SETD2: variants seen among roughly 807,000 people sequenced by gnomAD.
SETD2 encodes histone-lysine N-methyltransferase SETD2.
In SETD2, 31 loss-of-function variants were observed where a neutral mutation model predicts 242.1. That is an observed-to-expected ratio of 0.13 (90% CI 0.10 to 0.17). The LOEUF (loss-of-function observed/expected upper bound fraction) is 0.17, where lower values mean the gene tolerates loss of function less well. Among genes scored for constraint, SETD2 ranks in the 10% least tolerant of loss-of-function variants. SETD2 has a pLI of 1.00. For missense variants in SETD2, 2,481 were observed against 3,046.3 expected, an observed-to-expected ratio of 0.81 and a Z score of 4.37; for synonymous variants, 1,006 against 1,066.5, an observed-to-expected ratio of 0.94 and a Z score of 1.11.
chr3:47,077,911 T>C (rs1318982003), intron 12 of SETD2, among the ~76,000 whole-genome samples: 1 of 152,190 alleles, frequency 6.6e-6, no homozygotes, highest in Admixed American at 6.5e-5. Context: ...ATAATGAAGT[T>C]AATGGATTAT....
At chr3:47,115,724 A>T (rs2042828109) in intron 4 of SETD2, among the ~76,000 whole-genome samples, 1 of 152,160 alleles carries the variant, frequency 6.6e-6, no homozygotes, top group South Asian at 2.1e-4. Context: ...AGCTCACTGC[A>T]AGCTCCACCT....
chr3:47,138,333 G>A lies in SETD2; in HGVS notation c.72-11670C>T, dbSNP rs912012532. The A allele has an allele frequency of 1.9e-4, 45 of 242,932 alleles. 1 individual carries two copies. Among genetic ancestry groups the A allele is most frequent in the Admixed American group, 6.2e-4 (15 of 24,010 alleles). 15.0% of individuals were successfully genotyped at this position (242,932 alleles called of 1,614,324 possible). ...CGCCCAGGCTGGAGTACAGTGGCGC[G>A]ATCTCAGCTCACTGCAACCTCCACC... On this transcript the variant is annotated intron_variant, in intron 1 of 20. Coordinates refer to ENST00000409792, the MANE Select transcript of SETD2 (RefSeq NM_014159.7).
intron 6 of SETD2, among the ~76,000 whole-genome samples, chr3:47,105,308 A>G (rs955713156): frequency 1.1e-4 from 17 of 150,910 alleles, no homozygotes; most frequent in Admixed American, 9.3e-4. Flanking sequence ...TACTCAGAAG[A>G]CTGAGGCACA....
rs1180846547 is a variant in SETD2, at chr3:47,138,065, G to A, written c.72-11402C>T. ...CGGCTCACTGCAAGCTCCGCCTCCC[G>A]GGTTCACGCCATTCTCCTGCCTCAG... On this transcript the variant is annotated intron_variant, in intron 1 of 20. Coordinates refer to ENST00000409792, the MANE Select transcript of SETD2 (RefSeq NM_014159.7). Among the ~76,000 whole-genome samples, 11 of 151,262 alleles carry A rather than the reference G, an allele frequency of 7.3e-5. No individual in the cohort carries two copies. In the East Asian group the frequency reaches 9.8e-4, roughly 13 times the overall value.
chr3:47,043,077 C>A (rs1272111914), intron 16 of SETD2, among the ~76,000 whole-genome samples: 2 of 148,810 alleles, frequency 1.3e-5, no homozygotes, highest in Non-Finnish European at 3.0e-5. Flanking sequence ...CCCTGAGAAG[C>A]AAATATGACA....
chr3:47,040,686 G>A (rs969839497), intron 17 of SETD2, among the ~76,000 whole-genome samples: 3 of 143,758 alleles, frequency 2.1e-5, no homozygotes, highest in Admixed American at 7.6e-5. Flanking sequence ...TGATCCTCTC[G>A]CCTCAGCCTC....
At chr3:47,127,610 C>T (rs1384668192) in intron 1 of SETD2, 4 of 436,824 alleles carry the variant, frequency 9.2e-6, no homozygotes, top group Admixed American at 7.6e-5. Context: ...GCCTGTAATC[C>T]CAGCACTTTG....
chr3:47,017,313 G>A lies in SETD2; in HGVS notation c.7534-59C>T, dbSNP rs1006981047. ...CCAATCAGAGCAGAAATTATATGAG[G>A]GGGAGGACAGGGGTGGTAATCCAGC... On this transcript the variant is annotated intron_variant, in intron 20 of 20. Coordinates refer to ENST00000409792, the MANE Select transcript of SETD2 (RefSeq NM_014159.7). This position sits in a 1 kb window ranked among gnomAD's most constrained non-coding sequence, Gnocchi z 4.8. 1 of 1,570,560 alleles carries A rather than the reference G, an allele frequency of 6.4e-7. No individual in the cohort carries two copies. The highest frequency in any genetic ancestry group is 1.1e-5 in the South Asian group (1 of 88,350).
chr3:47,159,166 T>G (rs566721287), intron 1 of SETD2, among the ~76,000 whole-genome samples: 1 of 152,318 alleles, frequency 6.6e-6, no homozygotes, highest in East Asian at 1.9e-4. Context: ...AAGGATTCTC[T>G]GGTAATCTCA....
chr3:47,144,042 T>C (rs2043796434), intron 1 of SETD2, among the ~76,000 whole-genome samples: 1 of 152,156 alleles, frequency 6.6e-6, no homozygotes, highest in Admixed American at 6.5e-5. Flanking sequence ...AATGCAGTTG[T>C]CCCACAGCTC....
Position 47,046,514 on chromosome 3 carries a change from T to C in SETD2, c.7071A>G (p.Ala2357=), listed in dbSNP as rs140288461. Residue 2357 remains alanine, a synonymous_variant, in exon 16 of 21, where the codon GCA becomes GCG. Coordinates refer to ENST00000409792, the MANE Select transcript of SETD2 (RefSeq NM_014159.7). ...GCTGCAAGGGCTGAGGCTGCCCTGGTGCAACTATTGTAGTCACTGCTGCGG... is the reference window on the plus strand; with the variant it reads ...GCTGCAAGGGCTGAGGCTGCCCTGGCGCAACTATTGTAGTCACTGCTGCGG... ...QPAAAVTTIV[A]PGQPQPLQPS... 41 of 1,608,510 alleles carry C rather than the reference T, an allele frequency of 2.5e-5. No homozygotes were observed. In the African/African-American group the frequency reaches 4.9e-4, roughly 19 times the overall value.
Position 47,164,033 on chromosome 3 carries a change from G to A in SETD2, c.-109C>T, listed in dbSNP as rs2106869895. ...CGACCGCGGCGGCGGCGGCGGCGGCGGCGGCGGCGGCAGGGGCGGCCCGCG... is the reference window on the plus strand; with the variant it reads ...CGACCGCGGCGGCGGCGGCGGCGGCAGCGGCGGCGGCAGGGGCGGCCCGCG... On this transcript the variant is annotated 5_prime_UTR_variant, in exon 1 of 21. Transcript: ENST00000409792. The surrounding 1 kb of genome is among the most constrained non-coding windows in gnomAD (Gnocchi z 5.4). The A allele has an allele frequency of 9.9e-6, 12 of 1,216,480 alleles. No individual in the cohort carries two copies. Among genetic ancestry groups the A allele is most frequent in the Non-Finnish European group, 1.0e-5 (10 of 972,098 alleles). The allele number at this position is 1,216,480 out of a possible 1,614,324, so 75.4% of individuals were successfully genotyped here.
intron 15 of SETD2, among the ~76,000 whole-genome samples, chr3:47,052,191 T>C (rs2039876325): frequency 6.6e-6 from 1 of 151,954 alleles, no homozygotes; most frequent in South Asian, 2.1e-4. Flanking sequence ...CAGAAAAACA[T>C]GAATGTTCGT....
chr3:47,037,230 T>G (rs2039048418), intron 18 of SETD2, among the ~76,000 whole-genome samples: 1 of 150,806 alleles, frequency 6.6e-6, no homozygotes, highest in Non-Finnish European at 1.5e-5. Flanking sequence ...ACTGCACCCA[T>G]TAACTCGTCA....
chr3:47,072,483 A>T lies in SETD2; in HGVS notation c.6061-5365T>A, dbSNP rs558161502. ...ATAGGCCAACCAAACCTTTTTTCCT[A>T]AATATTTTCCTAAATGACAGCAATA... On this transcript the variant is annotated intron_variant, in intron 12 of 20. Coordinates refer to ENST00000409792, the MANE Select transcript of SETD2 (RefSeq NM_014159.7). Among the ~76,000 whole-genome samples, 5 of 152,174 alleles carry T rather than the reference A, an allele frequency of 3.3e-5. No homozygotes were observed. In the South Asian group the frequency reaches 1.0e-3, roughly 32 times the overall value.
At position 47,080,960 on chromosome 3, in the gene SETD2, T is replaced by C. The variant is rs372774846; in HGVS notation, c.6060+2760A>G. On this transcript the variant is annotated intron_variant, in intron 12 of 20. Transcript: ENST00000409792. The stretch of plus-strand genomic sequence containing the variant: ...TCATCCAACTTCCCAACCATCTTCC[T>C]GTTTCTTCACAGAATGCACGCTAGG... 1.4e-5 allele frequency: 14 copies of C among 986,978 alleles called. No individual in the cohort carries two copies. In the South Asian group the frequency reaches 6.1e-4, roughly 43 times the overall value. 61.1% of individuals were successfully genotyped at this position (986,978 alleles called of 1,614,324 possible). A position where few individuals can be genotyped will look rare whatever the true frequency, so the allele number is the denominator to read the frequency against.
chr3:47,055,969 C>T (rs533336962), intron 15 of SETD2, among the ~76,000 whole-genome samples: 125 of 125,226 alleles, frequency 1.0e-3, no homozygotes, highest in African/African-American at 3.6e-3. Context: ...ACCGAGATCG[C>T]GCCACTGCAC....
chr3:47,101,793 C>CT (rs1442784675), intron 7 of SETD2, among the ~76,000 whole-genome samples: 1 of 151,908 alleles, frequency 6.6e-6, no homozygotes, highest in Non-Finnish European at 1.5e-5. Flanking sequence ...GCATATATCT[C>CT]TAATTCGTCT....
chr3:47,083,995 G>C lies in SETD2; in HGVS notation c.5785C>G (p.Leu1929Val), dbSNP rs769752064. The C allele has an allele frequency of 1.2e-6, 2 of 1,614,118 alleles. No individual in the cohort carries two copies. Among genetic ancestry groups the C allele is most frequent in the Non-Finnish European group, 1.7e-6 (2 of 1,180,028 alleles). ...EEEELQSQQL[L>V]PQQLPECKVD... ...TTGCATTCAGGCAGCTGTTGTGGGA[G>C]TAGCTGTTGTGACTGCAATTCTTCC... Residue 1929 changes from leucine to valine, a missense_variant, in exon 12 of 21, where the codon CTC becomes GTC. Physicochemically the swap from Leu to Val is conservative, Grantham distance 32. Around this residue, in one of 17 missense-constraint regions of SETD2, gnomAD observed 203 missense variants for 222.4 expected, o/e 0.91. Coordinates refer to ENST00000409792, the MANE Select transcript of SETD2 (RefSeq NM_014159.7).
Sources: gnomAD v4.1 joint callset for allele counts (sites outside exome capture counted in the v4.1 genomes callset) on GRCh38, gnomAD v4.1.1 for gene constraint, gnomAD v4.1.1 regional missense constraint, Gnocchi (gnomAD v3.1) non-coding constraint, MANE v1.5 for transcripts, NCBI Gene and HGNC (gene_info 2026-07-23, HGNC 2026-07-21) for gene names.